Variants in INTS9 observed in about 807,000 individuals in gnomAD.
INTS9 encodes integrator complex subunit 9.
Under a neutral mutation model 79.7 loss-of-function variants are expected in INTS9, and 55 were observed. That is an observed-to-expected ratio of 0.69 (90% CI 0.56 to 0.86). INTS9 has a LOEUF of 0.86. Ranked by LOEUF, INTS9 falls within the 40% of genes least tolerant of loss-of-function variation. The pLI is 0.00. For synonymous variants in INTS9, 319 were observed against 325.2 expected (o/e 0.98, Z 0.20); for missense variants, 721 against 831.5 (o/e 0.87, Z 1.64).
chr8:28,787,890 C>T lies in INTS9; in HGVS notation c.1038-1G>A. 3 of 1,591,552 alleles carry T rather than the reference C, an allele frequency of 1.9e-6. No individual in the cohort carries two copies. The highest frequency in any genetic ancestry group is 2.6e-6 in the Non-Finnish European group (3 of 1,163,028). On this transcript the variant is annotated splice_acceptor_variant, in intron 10 of 16. Transcript: ENST00000521022. LOFTEE classifies it high-confidence loss of function. ...CTTACTCTGTTTGTTGTGACAAAGCCTATTAAAGAGGAAAAACACATCAGC... is the reference window on the plus strand; with the variant it reads ...CTTACTCTGTTTGTTGTGACAAAGCTTATTAAAGAGGAAAAACACATCAGC...
At chr8:28,834,142 T>C (rs980896570) in intron 6 of INTS9, among the ~76,000 whole-genome samples, 3 of 152,218 alleles carry the variant, frequency 2.0e-5, no homozygotes, top group African/African-American at 7.2e-5. Flanking sequence ...TTCTTTTCAA[T>C]TCTATCTCAG....
At chr8:28,886,140 T>C (rs563714520) in intron 1 of INTS9, among the ~76,000 whole-genome samples, 1 of 152,200 alleles carries the variant, frequency 6.6e-6, no homozygotes, top group Non-Finnish European at 1.5e-5. Context: ...TAAAAAATAC[T>C]AACTTCAGCA....
intron 12 of INTS9, among the ~76,000 whole-genome samples, chr8:28,778,480 C>T (rs1052577642): frequency 4.6e-5 from 7 of 152,208 alleles, no homozygotes; most frequent in East Asian, 3.9e-4. Flanking sequence ...TCTGAGTTAA[C>T]GCCCAGGTGT....
chr8:28,852,281 C>T (rs1807884510), intron 2 of INTS9, among the ~76,000 whole-genome samples: 1 of 135,074 alleles, frequency 7.4e-6, no homozygotes, highest in African/African-American at 2.7e-5. Flanking sequence ...GTATAAATCA[C>T]ACCTGATAAA....
At chr8:28,857,132 C>T (rs1390963387) in intron 2 of INTS9, among the ~76,000 whole-genome samples, 2 of 152,046 alleles carry the variant, frequency 1.3e-5, no homozygotes, top group African/African-American at 4.8e-5. Context: ...CTGAGGGGCA[C>T]TTAAGTTGCT....
chr8:28,802,130 T>C (rs1263236793), intron 8 of INTS9, among the ~76,000 whole-genome samples: 1 of 152,174 alleles, frequency 6.6e-6, no homozygotes. Flanking sequence ...GGGTGGAAAA[T>C]GCCAATTCAT....
intron 14 of INTS9, among the ~76,000 whole-genome samples, chr8:28,773,731 A>G (rs1758009110): frequency 6.6e-6 from 1 of 151,842 alleles, no homozygotes; most frequent in Non-Finnish European, 1.5e-5. Context: ...CATGTTGGCC[A>G]GGCTGGTCTT....
At chr8:28,839,473 G>A (rs1475113853) in intron 4 of INTS9, among the ~76,000 whole-genome samples, 31 of 152,056 alleles carry the variant, frequency 2.0e-4, no homozygotes, top group Middle Eastern at 3.4e-3. Context: ...AAAAGAGCCC[G>A]CATCGCCAAG....
intron 2 of INTS9, among the ~76,000 whole-genome samples, chr8:28,852,188 A>G (rs1050102287): frequency 6.6e-6 from 1 of 152,164 alleles, no homozygotes; most frequent in African/African-American, 2.4e-5. Context: ...CACTGCCACA[A>G]AGCAAGATCT....
intron 10 of INTS9, among the ~76,000 whole-genome samples, chr8:28,792,293 AAAAC>A (rs1803958791): frequency 6.6e-6 from 1 of 152,310 alleles, no homozygotes; most frequent in South Asian, 2.1e-4. Flanking sequence ...ACTATATACT[AAAAC>A]AAATTCCAGA....
Position 28,768,106 on chromosome 8 carries a change from G to C in INTS9, c.*40C>G. Reference sequence around the variant, plus strand: ...GGTGGCTTGTGAGGGCAGCCAGTGAGGGACTGCAGGATTTCAGGGAAGTAG... The same window carrying C: ...GGTGGCTTGTGAGGGCAGCCAGTGACGGACTGCAGGATTTCAGGGAAGTAG... On this transcript the variant is annotated 3_prime_UTR_variant, in exon 17 of 17. Coordinates refer to ENST00000521022, the MANE Select transcript of INTS9 (RefSeq NM_018250.4). The C allele has an allele frequency of 1.3e-6, 2 of 1,598,556 alleles. No homozygotes were observed. Among genetic ancestry groups the C allele is most frequent in the South Asian group, 2.2e-5 (2 of 90,720 alleles).
chr8:28,881,544 C>T (rs1585534830), intron 1 of INTS9, among the ~76,000 whole-genome samples: 3 of 130,104 alleles, frequency 2.3e-5, no homozygotes, highest in Admixed American at 7.3e-5. Context: ...GTCAGCCCCC[C>T]GCCCGGCCAG....
At chr8:28,878,767 G>C (rs117810695) in intron 1 of INTS9, among the ~76,000 whole-genome samples, 8,208 of 151,954 alleles carry the variant, frequency 0.054, 365 homozygotes, top group Non-Finnish European at 0.079. Context: ...GTAACTTGAG[G>C]TCAGGAGTTC....
chr8:28,781,027 G>A, intron 11 of INTS9, 33 bp from the exon 12 acceptor site: 8 of 1,580,036 alleles, frequency 5.1e-6, no homozygotes, highest in Non-Finnish European at 6.9e-6. Context: ...AAAGAAATGT[G>A]AGCCTGCCCA....
intron 1 of INTS9, among the ~76,000 whole-genome samples, chr8:28,860,484 T>G (rs1808401357): frequency 6.6e-6 from 1 of 151,994 alleles, no homozygotes; most frequent in South Asian, 2.1e-4. Flanking sequence ...CCTTTTTTTT[T>G]TTTTTCCCTT....
intron 13 of INTS9, among the ~76,000 whole-genome samples, chr8:28,777,045 G>A (rs527350514): frequency 1.1e-4 from 17 of 152,186 alleles, no homozygotes; most frequent in South Asian, 4.2e-4. Flanking sequence ...ACCAGAATCC[G>A]CTCTTGGGGC....
chr8:28,768,884 T>C (rs1486379809), intron 16 of INTS9, among the ~76,000 whole-genome samples: 2 of 152,196 alleles, frequency 1.3e-5, no homozygotes, highest in African/African-American at 2.4e-5. Context: ...AGGCCACCTG[T>C]ACTTCATGGC....
At chr8:28,769,105 C>A (rs757493363) in intron 16 of INTS9, among the ~76,000 whole-genome samples, 4 of 152,172 alleles carry the variant, frequency 2.6e-5, no homozygotes, top group Non-Finnish European at 4.4e-5. Flanking sequence ...CAGCCAGAGC[C>A]TTTTTCCCTA....
At chr8:28,847,328 C>T (rs928820567) in intron 3 of INTS9, among the ~76,000 whole-genome samples, 17 of 152,220 alleles carry the variant, frequency 1.1e-4, no homozygotes, top group African/African-American at 4.1e-4. Flanking sequence ...TCTTCACCTA[C>T]CAAGGGTTGG....
Sources: gnomAD v4.1 joint callset for allele counts (sites outside exome capture counted in the v4.1 genomes callset) on GRCh38, gnomAD v4.1.1 for gene constraint, MANE v1.5 for transcripts, NCBI Gene and HGNC (gene_info 2026-07-23, HGNC 2026-07-21) for gene names.